GOLGA4: variants seen among roughly 807,000 people sequenced by gnomAD.
GOLGA4 encodes golgin A4, also known as golgin subfamily A member 4.
GOLGA4 carries 169 observed loss-of-function variants against 265.9 expected under a neutral mutation model. That is an observed-to-expected ratio of 0.64 (90% CI 0.56 to 0.72). The LOEUF is 0.72. Among genes scored for constraint, GOLGA4 ranks in the 30% least tolerant of loss-of-function variants. GOLGA4 has a pLI of 0.00. For missense variants in GOLGA4, 2,482 were observed against 2,483.4 expected (o/e 1.00, Z 0.01); for synonymous variants, 923 against 855.8 (o/e 1.08, Z -1.37).
chr3:37,354,947 G>T (rs1297744173), intron 21 of GOLGA4, among the ~76,000 whole-genome samples, 154 bp from the exon 22 acceptor site: 1 of 152,042 alleles, frequency 6.6e-6, no homozygotes, highest in Non-Finnish European at 1.5e-5. Flanking sequence ...TTCTAGTGTT[G>T]TTATTTCCTT....
chr3:37,327,350 A>G lies in GOLGA4; in HGVS notation c.5464A>G (p.Lys1822Glu), dbSNP rs753579530. The G allele has an allele frequency of 8.1e-6, 13 of 1,613,752 alleles. No homozygotes were observed. The African/African-American group carries it at 1.3e-4, about 17-fold the overall frequency. The part of the protein sequence containing the change: ...VAQHVEKEGG[K>E]NNIQAKQNLE... ...CCAGCATGTGGAAAAAGAAGGAGGT[A>G]AAAATAACATACAGGCAAAGCAAAA... is the stretch of plus-strand genomic sequence containing the variant. The change falls in exon 14 of 24, where the codon AAA becomes GAA. Residue 1822 changes from lysine to glutamate, a missense_variant. Lys to Glu is a moderately conservative substitution (Grantham distance 56). Around this residue, in one of 3 missense-constraint regions of GOLGA4, gnomAD observed 942 missense variants for 983.1 expected, o/e 0.96. Coordinates refer to ENST00000361924, the MANE Select transcript of GOLGA4 (RefSeq NM_002078.5).
chr3:37,272,664 C>CTT (rs899731121), intron 2 of GOLGA4, among the ~76,000 whole-genome samples: 3 of 152,130 alleles, frequency 2.0e-5, no homozygotes, highest in African/African-American at 7.2e-5. Flanking sequence ...AACTGAGCAC[C>CTT]TTTTTCACTT....
At chr3:37,322,944 A>AC (rs2096959105) in intron 13 of GOLGA4, among the ~76,000 whole-genome samples, 1 of 151,892 alleles carries the variant, frequency 6.6e-6, no homozygotes, top group Admixed American at 6.6e-5. Context: ...ATTGGAAAAA[A>AC]CCCCAATCTT....
At chr3:37,328,233 G>GACACAC (rs4021346) in intron 14 of GOLGA4, among the ~76,000 whole-genome samples, 183 bp from the exon 15 acceptor site, 5,467 of 138,470 alleles carry the variant, frequency 0.039, 131 homozygotes, top group Non-Finnish European at 0.051. Context: ...TATGTACCTG[G>GACACAC]ACACACACAC....
chr3:37,266,734 G>C, intron 2 of GOLGA4: 1 of 384,932 alleles, frequency 2.6e-6, no homozygotes. Context: ...GGCCATTATA[G>C]TGTTATGCAT....
chr3:37,292,475 C>G (rs1473693976), intron 5 of GOLGA4, among the ~76,000 whole-genome samples: 2 of 152,126 alleles, frequency 1.3e-5, no homozygotes, highest in Non-Finnish European at 2.9e-5. Context: ...ATCACGAGGT[C>G]AAGAGATCGA....
At chr3:37,290,920 G>T (rs889753180) in intron 5 of GOLGA4, among the ~76,000 whole-genome samples, 1 of 152,074 alleles carries the variant, frequency 6.6e-6, no homozygotes, top group African/African-American at 2.4e-5. Context: ...AAATAATACG[G>T]CATTTCTACC....
intron 14 of GOLGA4, 100 bp from the exon 15 acceptor site, chr3:37,328,316 A>T (rs2096979033): frequency 8.8e-7 from 1 of 1,136,780 alleles, no homozygotes; most frequent in Non-Finnish European, 1.3e-6. Context: ...ATGTTTTCAT[A>T]CAATGAACTC....
At chr3:37,289,500 T>C (rs1289682998) in intron 5 of GOLGA4, among the ~76,000 whole-genome samples, 1 of 152,246 alleles carries the variant, frequency 6.6e-6, no homozygotes, top group African/African-American at 2.4e-5. Context: ...AATGAGGTGT[T>C]AGCAACAGAA....
intron 2 of GOLGA4, among the ~76,000 whole-genome samples, chr3:37,253,521 C>T (rs1398539815): frequency 6.6e-6 from 1 of 151,972 alleles, no homozygotes; most frequent in African/African-American, 2.4e-5. Flanking sequence ...GAAGTGATGA[C>T]AATGCTTTGT....
At chr3:37,255,757 T>G (rs2150621530) in intron 2 of GOLGA4, among the ~76,000 whole-genome samples, 1 of 152,056 alleles carries the variant, frequency 6.6e-6, no homozygotes, top group Admixed American at 6.6e-5. Context: ...AAGCATTTTT[T>G]TTTTTTGTTT....
chr3:37,357,327 T>C (rs1022110538), intron 22 of GOLGA4, among the ~76,000 whole-genome samples: 4 of 152,176 alleles, frequency 2.6e-5, no homozygotes, highest in Non-Finnish European at 5.9e-5. Context: ...AACAGTCATC[T>C]ACTCTTCTAG....
rs2096877535 is a variant in GOLGA4 at position 37,296,083 on chromosome 3, T to A, written c.682-4T>A. On this transcript the variant is annotated splice_region_variant and splice_polypyrimidine_tract_variant and intron_variant, in intron 6 of 23. Coordinates refer to ENST00000361924, the MANE Select transcript of GOLGA4 (RefSeq NM_002078.5). Reference sequence around the variant, plus strand: ...TTTTTTCTAATGAAGCACATTTATATTAGGTTTCTCTACTGAAACAACGAT... The same window carrying A: ...TTTTTTCTAATGAAGCACATTTATAATAGGTTTCTCTACTGAAACAACGAT... The A allele has an allele frequency of 6.2e-7, 1 of 1,612,964 alleles. No homozygotes were observed.
chr3:37,290,951 CTAATATCTTTTTGCT>C (rs1321182354), intron 5 of GOLGA4, among the ~76,000 whole-genome samples: 1 of 152,092 alleles, frequency 6.6e-6, no homozygotes, highest in Non-Finnish European at 1.5e-5. Flanking sequence ...TTCTGTTAAG[CTAATATCTTTTTGCT>C]TAACATTTCT....
intron 10 of GOLGA4, among the ~76,000 whole-genome samples, chr3:37,312,804 A>C (rs2096926636): frequency 6.6e-6 from 1 of 152,166 alleles, no homozygotes; most frequent in Admixed American, 6.5e-5. Context: ...AATTATAGGC[A>C]TGAGCCCCCC....
intron 19 of GOLGA4, among the ~76,000 whole-genome samples, chr3:37,338,028 C>T (rs908764166): frequency 2.0e-5 from 3 of 152,000 alleles, no homozygotes; most frequent in East Asian, 1.9e-4. Flanking sequence ...TTGCTTTTAT[C>T]GGAGAGAAAA....
rs1378423662 is a variant in GOLGA4, at chr3:37,361,322, G to A, written c.*33+17G>A. On this transcript the variant is annotated intron_variant, in intron 23 of 23. Coordinates refer to ENST00000361924, the MANE Select transcript of GOLGA4 (RefSeq NM_002078.5). ...TAACATGTGGTGAGTGAAGAACAATGTCTTGTGTCTTTTGTGCAAAAATCA... is the reference window on the plus strand; with the variant it reads ...TAACATGTGGTGAGTGAAGAACAATATCTTGTGTCTTTTGTGCAAAAATCA... 1 of 1,584,134 alleles carries A rather than the reference G, an allele frequency of 6.3e-7. No homozygotes were observed. Among genetic ancestry groups the A allele is most frequent in the Admixed American group, 1.7e-5 (1 of 59,730 alleles).
rs760323102 is a variant in GOLGA4 at position 37,335,049 on chromosome 3, A to G, written c.6193-4A>G. The G allele has an allele frequency of 6.5e-7, 1 of 1,529,174 alleles. No homozygotes were observed. The highest frequency in any genetic ancestry group is 1.2e-5 in the South Asian group (1 of 84,192). The allele number at this position is 1,529,174 out of a possible 1,614,324, so 94.7% of individuals were successfully genotyped here. ...CTTTTTTTCTTTTTTTTTAAATCCTAAAGGCTCGTGAAGAAGAAATGACTG... is the reference window on the plus strand; with the variant it reads ...CTTTTTTTCTTTTTTTTTAAATCCTGAAGGCTCGTGAAGAAGAAATGACTG... On this transcript the variant is annotated splice_region_variant and splice_polypyrimidine_tract_variant and intron_variant, in intron 16 of 23. Transcript: ENST00000361924.
intron 6 of GOLGA4, among the ~76,000 whole-genome samples, chr3:37,295,395 T>C (rs9817844): frequency 0.014 from 2,103 of 152,234 alleles, 47 homozygotes; most frequent in African/African-American, 0.049. Context: ...ATTTTTAAAT[T>C]TTTTGTAGAG....
Sources: gnomAD v4.1 joint callset for allele counts (sites outside exome capture counted in the v4.1 genomes callset) on GRCh38, gnomAD v4.1.1 for gene constraint, gnomAD v4.1.1 regional missense constraint, MANE v1.5 for transcripts, NCBI Gene and HGNC (gene_info 2026-07-23, HGNC 2026-07-21) for gene names.